ANO1: variants seen among roughly 807,000 people sequenced by gnomAD.
The protein encoded by ANO1 is anoctamin-1.
ANO1 carries 59 observed loss-of-function variants against 124.0 expected under a neutral mutation model. That is an observed-to-expected ratio of 0.48 (90% confidence interval 0.39 to 0.59). The LOEUF (loss-of-function observed/expected upper bound fraction) is 0.59, where lower values mean the gene tolerates loss of function less well. Among genes scored for constraint, ANO1 ranks in the 20% least tolerant of loss-of-function variants. ANO1 has a pLI of 0.00. For synonymous variants in ANO1, 529 were observed against 532.0 expected, an observed-to-expected ratio of 0.99 and a Z score of 0.08; for missense variants, 1,059 against 1,328.0, an observed-to-expected ratio of 0.80 and a Z score of 3.15.
chr11:69,998,715 A>G (rs1554998774), intron 1 of ANO1, among the ~76,000 whole-genome samples: 1 of 152,186 alleles, frequency 6.6e-6, no homozygotes. Flanking sequence ...TGGGTGGCTG[A>G]GGCAGGTGGT....
At chr11:70,116,114 G>A (rs1439322922) in intron 7 of ANO1, among the ~76,000 whole-genome samples, 1 of 152,254 alleles carries the variant, frequency 6.6e-6, no homozygotes, top group South Asian at 2.1e-4. Flanking sequence ...CTATTGATAC[G>A]ACTCTTCCTG....
rs782502698 is a variant in ANO1, at chr11:70,020,926, G to C, written c.58+34760G>C. The C allele has an allele frequency of 8.5e-5, 13 of 152,282 alleles. 1 individual carries two copies. Among genetic ancestry groups the C allele is most frequent in the Admixed American group, 2.6e-4 (4 of 15,290 alleles). The allele number at this position is 152,282 out of a possible 1,614,324, so 9.4% of individuals were successfully genotyped here. A position where few individuals can be genotyped will look rare whatever the true frequency, so the allele number is the denominator to read the frequency against. On this transcript the variant is annotated intron_variant, in intron 1 of 27. Transcript: ENST00000531349. ...CCAGTGACCATTCAGCCTCTCATTC[G>C]TAGTCATCGTTCGCGGTCGTAACTG...
intron 11 of ANO1, among the ~76,000 whole-genome samples, chr11:70,136,190 C>A (rs1288718451): frequency 6.6e-6 from 1 of 152,222 alleles, no homozygotes; most frequent in Non-Finnish European, 1.5e-5. Flanking sequence ...CCCTCCAAGA[C>A]TAGAGCGTCC....
At chr11:70,105,675 C>A in intron 4 of ANO1, 59 bp from the exon 5 acceptor site, 1 of 1,542,582 alleles carries the variant, frequency 6.5e-7, no homozygotes, top group Non-Finnish European at 9.0e-7. Context: ...GGCCTTGAAA[C>A]CCAGAGAACT....
chr11:70,026,273 G>T (rs2135016220), intron 1 of ANO1, among the ~76,000 whole-genome samples: 1 of 147,976 alleles, frequency 6.8e-6, no homozygotes, highest in Middle Eastern at 3.5e-3. Flanking sequence ...GATGGAGGTG[G>T]TGATGACAGT....
chr11:70,184,453 G>T (rs117538597), intron 24 of ANO1, among the ~76,000 whole-genome samples: 2 of 152,242 alleles, frequency 1.3e-5, no homozygotes, highest in East Asian at 2.0e-4. Flanking sequence ...GGGGAGAGGG[G>T]TGTGAGTGAG....
chr11:70,174,480 T>C (rs1565278301), intron 22 of ANO1, among the ~76,000 whole-genome samples: 1 of 152,168 alleles, frequency 6.6e-6, no homozygotes, highest in Admixed American at 6.5e-5. Context: ...TGGCCGTCTT[T>C]GCACACCCGC....
chr11:70,146,239 C>T (rs1287189744), intron 11 of ANO1, among the ~76,000 whole-genome samples: 2 of 152,240 alleles, frequency 1.3e-5, no homozygotes, highest in African/African-American at 4.8e-5. Flanking sequence ...TTGGGCACAG[C>T]ACTCAGGCCT....
chr11:70,153,694 A>C (rs1349489938), intron 14 of ANO1, among the ~76,000 whole-genome samples: 2 of 152,136 alleles, frequency 1.3e-5, no homozygotes, highest in Admixed American at 1.3e-4. Context: ...GTCTCATTCA[A>C]ATTAAGTCAT....
At position 70,181,294 on chromosome 11, in the gene ANO1, C is replaced by T. The variant is rs562015669; in HGVS notation, c.2404-1208C>T. 2.6e-5 allele frequency among the ~76,000 whole-genome samples: 4 copies of T among 152,312 alleles called. No individual in the cohort carries two copies. In the South Asian group the frequency reaches 8.3e-4, roughly 32 times the overall value. On this transcript the variant is annotated intron_variant, in intron 23 of 25. Transcript: ENST00000355303. The stretch of plus-strand genomic sequence containing the variant: ...GGGCCGTGATGCCAAGTCAGGGTCT[C>T]AGCAGGCCCTGGGACTCAGTCCCCA...
intron 20 of ANO1, among the ~76,000 whole-genome samples, chr11:70,166,067 C>T (rs2048242366): frequency 6.6e-6 from 1 of 152,096 alleles, no homozygotes; most frequent in South Asian, 2.1e-4. Context: ...ACTGTAATCC[C>T]AGCACTTTGG....
intron 11 of ANO1, among the ~76,000 whole-genome samples, chr11:70,141,225 G>T (rs1000178330): frequency 6.6e-6 from 1 of 152,206 alleles, no homozygotes; most frequent in Admixed American, 6.5e-5. Context: ...TCCCCCATGG[G>T]CTGTGGCCGT....
chr11:69,971,775 G>T, the ANO1 span, among the ~76,000 whole-genome samples: 4 of 152,102 alleles, frequency 2.6e-5, no homozygotes, highest in Admixed American at 2.0e-4. Context: ...ACACCCAGTA[G>T]GGGTGTCCTC....
chr11:70,065,194 G>A (rs551964356), intron 1 of ANO1: 3 of 152,396 alleles, frequency 2.0e-5, no homozygotes, highest in South Asian at 2.1e-4. Context: ...CTAGGGATGG[G>A]GCTGGCTCTG....
At chr11:70,113,619 A>G (rs772834707) in intron 7 of ANO1, among the ~76,000 whole-genome samples, 5 of 152,112 alleles carry the variant, frequency 3.3e-5, no homozygotes, top group Non-Finnish European at 1.5e-5. Context: ...AGCTACATCC[A>G]TGCTCCTGAT....
intron 1 of ANO1, among the ~76,000 whole-genome samples, chr11:70,055,840 T>C (rs527258058): frequency 2.0e-5 from 3 of 152,270 alleles, no homozygotes; most frequent in East Asian, 3.9e-4. Context: ...TTATTATTGT[T>C]CAATTGGTTG....
chr11:70,161,399 C>G, intron 17 of ANO1, 37 bp downstream of exon 17: 3 of 1,603,168 alleles, frequency 1.9e-6, no homozygotes, highest in Non-Finnish European at 2.6e-6. Flanking sequence ...GGCCTGGACT[C>G]AGGCAGCTGG....
chr11:70,043,146 G>A (rs544595464), intron 1 of ANO1, among the ~76,000 whole-genome samples: 86 of 152,286 alleles, frequency 5.6e-4, no homozygotes, highest in African/African-American at 1.9e-3. Flanking sequence ...ATAAGGAAAA[G>A]AATGAAAGCT....
At chr11:70,053,005 A>G (rs1412754209) in intron 1 of ANO1, among the ~76,000 whole-genome samples, 3 of 151,876 alleles carry the variant, frequency 2.0e-5, no homozygotes, top group African/African-American at 7.3e-5. Context: ...GTTCTTATGC[A>G]TTTAATTTTT....
Sources: gnomAD v4.1 joint callset for allele counts (sites outside exome capture counted in the v4.1 genomes callset) on GRCh38, gnomAD v4.1.1 for gene constraint, MANE v1.5 for transcripts, NCBI Gene and HGNC (gene_info 2026-07-23, HGNC 2026-07-21) for gene names.